ME3: variants seen among roughly 807,000 people sequenced by gnomAD.
ME3 encodes the protein malic enzyme 3, also known as NADP-dependent malic enzyme, mitochondrial.
A neutral mutation model predicts 68.9 loss-of-function variants in ME3; 48 were observed. That is an observed-to-expected ratio of 0.70 (90% confidence interval 0.55 to 0.89). ME3 has a LOEUF of 0.89. ME3 is among the 40% of genes least tolerant of loss of function. ME3 has a pLI of 0.00. For synonymous variants in ME3, 320 were observed against 318.8 expected (o/e 1.00, Z -0.04); for missense variants, 675 against 797.4 (o/e 0.85, Z 1.85).
At position 86,450,432 on chromosome 11, in the gene ME3, C is replaced by T. The variant is rs778925532; in HGVS notation, c.920-34G>A. On this transcript the variant is annotated intron_variant, in intron 8 of 14. Transcript: ENST00000543262. ...GAGTGGCCTGAGATCAACCTCTGGC[C>T]ACAGGCCGCCAGCTCCCAAGAGAAG... The T allele has an allele frequency of 1.5e-5, 23 of 1,571,014 alleles. No homozygotes were observed. The South Asian group carries it at 1.8e-4, about 12-fold the overall frequency.
intron 2 of ME3, among the ~76,000 whole-genome samples, chr11:86,595,320 G>GAGAGAGAAAGAGAC (rs1554996001): frequency 7.2e-6 from 1 of 138,642 alleles, no homozygotes; most frequent in South Asian, 2.4e-4. Context: ...GAGAGAGAGA[G>GAGAGAGAAAGAGAC]AGAGAGAGAG....
chr11:86,436,809 T>G (rs1469331460), downstream of ME3: 2 of 152,176 alleles, frequency 1.3e-5, no homozygotes, highest in Non-Finnish European at 2.9e-5. Context: ...ATGAATTACC[T>G]TAGTAATTTT....
At chr11:86,620,695 C>A (rs1232419340) in intron 2 of ME3, among the ~76,000 whole-genome samples, 1 of 152,192 alleles carries the variant, frequency 6.6e-6, no homozygotes, top group African/African-American at 2.4e-5. Context: ...AAAGGGGATA[C>A]CTTTATGCCT....
chr11:86,487,775 T>C (rs1951782908), intron 6 of ME3, among the ~76,000 whole-genome samples: 1 of 152,242 alleles, frequency 6.6e-6, no homozygotes, highest in Non-Finnish European at 1.5e-5. Flanking sequence ...ACATTTTGGC[T>C]GGGATAATTC....
At chr11:86,597,350 C>T (rs1024759189) in intron 2 of ME3, among the ~76,000 whole-genome samples, 4 of 152,250 alleles carry the variant, frequency 2.6e-5, no homozygotes, top group Non-Finnish European at 5.9e-5. Context: ...CAGTTAGCAG[C>T]TTAACAATTA....
intron 2 of ME3, among the ~76,000 whole-genome samples, chr11:86,581,480 G>A (rs10898503): frequency 0.41 from 62,884 of 152,054 alleles, 15,218 homozygotes; most frequent in Non-Finnish European, 0.54. Context: ...CATAATGTGT[G>A]TAAAGTGTGC....
At chr11:86,639,217 A>T (rs1180339775) in intron 2 of ME3, among the ~76,000 whole-genome samples, 3 of 152,226 alleles carry the variant, frequency 2.0e-5, no homozygotes, top group South Asian at 4.1e-4. Flanking sequence ...TGCCTGTCTG[A>T]AAAGGAGCTG....
chr11:86,626,617 G>C (rs1311886091), intron 2 of ME3, among the ~76,000 whole-genome samples: 1 of 152,186 alleles, frequency 6.6e-6, no homozygotes, highest in African/African-American at 2.4e-5. Context: ...ATACCTTAGA[G>C]CAGAGACTGT....
At chr11:86,484,532 C>A (rs1427121209) in intron 7 of ME3, among the ~76,000 whole-genome samples, 1 of 152,210 alleles carries the variant, frequency 6.6e-6, no homozygotes, top group Non-Finnish European at 1.5e-5. Flanking sequence ...CCCCCGCTCC[C>A]GGACTGCCTG....
intron 8 of ME3, among the ~76,000 whole-genome samples, chr11:86,456,757 A>G (rs150258762): frequency 1.2e-4 from 18 of 152,248 alleles, no homozygotes; most frequent in African/African-American, 4.1e-4. Context: ...CTGATGGGAA[A>G]GAGTCACACA....
intron 7 of ME3, among the ~76,000 whole-genome samples, chr11:86,475,142 A>G (rs1053099549): frequency 1.3e-5 from 2 of 152,132 alleles, no homozygotes; most frequent in African/African-American, 2.4e-5. Context: ...TGTAATTCCC[A>G]ATGTTGGAGG....
chr11:86,525,752 C>T (rs925147916), intron 4 of ME3, among the ~76,000 whole-genome samples: 11 of 151,184 alleles, frequency 7.3e-5, no homozygotes, highest in South Asian at 2.1e-4. Context: ...TCTCAGTTAC[C>T]GAGGGAGACC....
intron 7 of ME3, among the ~76,000 whole-genome samples, chr11:86,473,690 G>A (rs2138811351): frequency 6.6e-6 from 1 of 152,304 alleles, no homozygotes; most frequent in East Asian, 1.9e-4. Flanking sequence ...TGCATGAAGA[G>A]TGACTTATTC....
intron 2 of ME3, among the ~76,000 whole-genome samples, chr11:86,671,531 A>G (rs749686397): frequency 6.6e-5 from 10 of 152,268 alleles, no homozygotes; most frequent in Non-Finnish European, 1.0e-4. Flanking sequence ...CTGTGTTGTT[A>G]CTGCAGAAGA....
intron 4 of ME3, among the ~76,000 whole-genome samples, chr11:86,537,685 T>G (rs896077905): frequency 2.0e-5 from 3 of 152,332 alleles, no homozygotes; most frequent in African/African-American, 4.8e-5. Flanking sequence ...AGATCTTTCT[T>G]TTCAAAGGCC....
intron 4 of ME3, among the ~76,000 whole-genome samples, chr11:86,509,723 G>C (rs1027795531): frequency 2.8e-5 from 4 of 143,950 alleles, no homozygotes; most frequent in African/African-American, 5.2e-5. Context: ...ATTATTGGCT[G>C]ACCACTAAAC....
At chr11:86,578,287 G>T (rs937488407) in intron 2 of ME3, among the ~76,000 whole-genome samples, 1 of 152,150 alleles carries the variant, frequency 6.6e-6, no homozygotes, top group African/African-American at 2.4e-5. Flanking sequence ...GCAGAGGAAG[G>T]TTACAGGCAG....
At chr11:86,565,948 G>A (rs1957458656) in intron 2 of ME3, among the ~76,000 whole-genome samples, 1 of 152,206 alleles carries the variant, frequency 6.6e-6, no homozygotes, top group Admixed American at 6.5e-5. Flanking sequence ...GTGAGAATGG[G>A]ACACGTGCAG....
At chr11:86,530,660 A>G (rs940564757) in intron 4 of ME3, among the ~76,000 whole-genome samples, 2 of 152,206 alleles carry the variant, frequency 1.3e-5, no homozygotes, top group African/African-American at 4.8e-5. Flanking sequence ...GATATAGACC[A>G]ATGGAACAGA....
Sources: allele counts gnomAD v4.1 joint callset (sites outside exome capture counted in the v4.1 genomes callset), GRCh38; gene constraint gnomAD v4.1.1; transcripts MANE v1.5; gene names NCBI Gene and HGNC (gene_info 2026-07-23, HGNC 2026-07-21).